Variants in FGF12 observed in about 807,000 individuals in gnomAD.
FGF12 encodes the protein fibroblast growth factor 12B.
Under a neutral mutation model 23.6 loss-of-function variants are expected in FGF12, and 14 were observed. The ratio of observed to expected loss-of-function variants is 0.59; its 90% CI spans 0.39 to 0.93. The LOEUF (loss-of-function observed/expected upper bound fraction) is 0.93. Ranked by LOEUF, FGF12 falls within the 40% of genes least tolerant of loss-of-function variation. FGF12 has a pLI of 0.00. For missense variants in FGF12, 175 were observed against 217.8 expected (o/e 0.80, Z 1.24); for synonymous variants, 62 against 77.3 (o/e 0.80, Z 1.04).
At chr3:192,704,610 T>C (rs1359424322) in intron 2 of FGF12, among the ~76,000 whole-genome samples, 2 of 152,186 alleles carry the variant, frequency 1.3e-5, no homozygotes, top group South Asian at 2.1e-4. Flanking sequence ...TGCATGAGCA[T>C]TGGCTTCCAT....
rs774045809 is a variant in FGF12, at chr3:192,360,468, A to T, written c.84T>A (p.Asp28Glu). 16 of 1,613,830 alleles carry T rather than the reference A, an allele frequency of 9.9e-6. No individual in the cohort carries two copies. The African/African-American group carries it at 2.0e-4, about 20-fold the overall frequency. Residue 28 changes from aspartate to glutamate, a missense_variant, in exon 3 of 6, where the codon GAT becomes GAA. By Grantham distance (45) the Asp-to-Glu change is conservative. Coordinates refer to ENST00000445105, the MANE Select transcript of FGF12 (RefSeq NM_004113.6). The surrounding 1 kb of genome is among the most constrained non-coding windows in gnomAD (Gnocchi z 4.3). ...CGTCCTTGGTCCCATCAATGGTACC[A>T]TCTGGGTGCATCTGCAGGAAGTATC... The part of the protein sequence containing the change: ...QQGYFLQMHP[D>E]GTIDGTKDEN...
chr3:192,199,114 A>G (rs1200629952), intron 4 of FGF12, among the ~76,000 whole-genome samples: 1 of 152,222 alleles, frequency 6.6e-6, no homozygotes, highest in Non-Finnish European at 1.5e-5. Context: ...AGTCAGTAAC[A>G]ATGCTAACTA....
chr3:192,338,363 C>T lies in FGF12; in HGVS notation c.125-2899G>A, dbSNP rs529090706. On this transcript the variant is annotated intron_variant, in intron 3 of 5. Coordinates refer to ENST00000445105, the MANE Select transcript of FGF12 (RefSeq NM_004113.6). ...CTCCCCTTTTTGTTCTTTTAATTTC[C>T]TCTAATATCCATTTTTGCCTTCTTG... 3.0e-3 allele frequency among the ~76,000 whole-genome samples: 454 copies of T among 152,172 alleles called. 1 individual carries two copies. Among genetic ancestry groups the T allele is most frequent in the Non-Finnish European group, 5.2e-3 (351 of 67,998 alleles).
At chr3:192,146,083 C>A (rs1240833907) in intron 5 of FGF12, among the ~76,000 whole-genome samples, 1 of 152,070 alleles carries the variant, frequency 6.6e-6, no homozygotes, top group African/African-American at 2.4e-5. Flanking sequence ...TAGTTCTTCC[C>A]AACTCTGTCA....
chr3:192,504,141 G>A (rs1724220615), intron 2 of FGF12, among the ~76,000 whole-genome samples: 1 of 152,022 alleles, frequency 6.6e-6, no homozygotes, highest in Admixed American at 6.6e-5. Flanking sequence ...CAAAGAAAGA[G>A]GACATATAAA....
chr3:192,294,234 A>T (rs1826525), intron 4 of FGF12, among the ~76,000 whole-genome samples: 66,344 of 151,812 alleles, frequency 0.44, 15,249 homozygotes, highest in East Asian at 0.91. Context: ...TTCTTCCCAG[A>T]CTCGGGTATG....
At chr3:192,323,400 G>C (rs1449518822) in intron 4 of FGF12, among the ~76,000 whole-genome samples, 1 of 152,194 alleles carries the variant, frequency 6.6e-6, no homozygotes, top group Non-Finnish European at 1.5e-5. Context: ...ATGAGATCCT[G>C]TCATCTGCAA....
At chr3:192,490,304 T>C (rs1270965953) in intron 2 of FGF12, among the ~76,000 whole-genome samples, 2 of 152,114 alleles carry the variant, frequency 1.3e-5, no homozygotes, top group Non-Finnish European at 2.9e-5. Context: ...ATCACTGAAG[T>C]ATTTTGCCAT....
intron 4 of FGF12, among the ~76,000 whole-genome samples, chr3:192,186,109 A>AT (rs201208273): frequency 1.5e-4 from 22 of 151,512 alleles, no homozygotes; most frequent in East Asian, 9.7e-4. Context: ...AAGAGATACT[A>AT]TTTTTTTTTC....
intron 2 of FGF12, among the ~76,000 whole-genome samples, chr3:192,682,835 T>G (rs1223814143): frequency 6.6e-6 from 1 of 152,162 alleles, no homozygotes; most frequent in Non-Finnish European, 1.5e-5. Flanking sequence ...GTAGGTTGAC[T>G]TCGTTCATGT....
chr3:192,355,670 T>C (rs1477493515), intron 3 of FGF12, among the ~76,000 whole-genome samples: 1 of 152,282 alleles, frequency 6.6e-6, no homozygotes, highest in East Asian at 1.9e-4. Context: ...CTCAAAGATA[T>C]GTGAATCTGC....
At position 192,158,666 on chromosome 3, in the gene FGF12, C is replaced by T. The variant is rs908448214; in HGVS notation, c.427+11792G>A. Among the ~76,000 whole-genome samples the T allele has an allele frequency of 2.0e-3, 124 of 63,302 alleles. 3 individuals are homozygous for T. Among genetic ancestry groups the T allele is most frequent in the East Asian group, 8.5e-3 (23 of 2,694 alleles). The allele number at this position is 63,302 out of a possible 152,430, so 41.5% of individuals were successfully genotyped here. A position where few individuals can be genotyped will look rare whatever the true frequency, so the allele number is the denominator to read the frequency against. On this transcript the variant is annotated intron_variant, in intron 5 of 5. Transcript: ENST00000445105. ...CTCCCTCCCTCCCTCCCTTCCTTCC[C>T]TCCCTCCCTCTCTCTCTCTCTTTCT...
rs186351146 is a variant in FGF12, at chr3:192,429,506, T to G, written c.14-68968A>C. ...TTTGCATAAAGTATTGATAGTCATA[T>G]CCTTAAAATACTACAAAATCTCTCT... On this transcript the variant is annotated intron_variant, in intron 2 of 5. Transcript: ENST00000445105. Among the ~76,000 whole-genome samples, 10 of 152,308 alleles carry G rather than the reference T, an allele frequency of 6.6e-5. No individual in the cohort carries two copies. The East Asian group carries it at 1.9e-3, about 29-fold the overall frequency.
intron 2 of FGF12, among the ~76,000 whole-genome samples, chr3:192,453,097 A>G (rs1156954543): frequency 1.3e-5 from 2 of 152,026 alleles, no homozygotes; most frequent in Non-Finnish European, 2.9e-5. Context: ...ATATCAGTTA[A>G]CTTTTCTTTC....
At chr3:192,429,277 A>C (rs1018055674) in intron 2 of FGF12, among the ~76,000 whole-genome samples, 10 of 152,140 alleles carry the variant, frequency 6.6e-5, no homozygotes, top group African/African-American at 2.4e-4. Context: ...GCACCACTTA[A>C]AGACTGGCTT....
chr3:192,541,810 C>CA (rs1282605344), intron 2 of FGF12, among the ~76,000 whole-genome samples: 1 of 152,032 alleles, frequency 6.6e-6, no homozygotes, highest in East Asian at 1.9e-4. Context: ...TTTTAGGATA[C>CA]AAGTTTTTCT....
At chr3:192,240,727 G>A (rs545658649) in intron 4 of FGF12, among the ~76,000 whole-genome samples, 1 of 152,088 alleles carries the variant, frequency 6.6e-6, no homozygotes, top group East Asian at 1.9e-4. Flanking sequence ...CTGATATTTT[G>A]TCAGAAGACA....
At chr3:192,188,964 A>G (rs979518393) in intron 4 of FGF12, among the ~76,000 whole-genome samples, 1 of 152,242 alleles carries the variant, frequency 6.6e-6, no homozygotes, top group Non-Finnish European at 1.5e-5. Flanking sequence ...GTAACACTTC[A>G]TCTTCATTCC....
chr3:192,425,373 C>T (rs141037554), intron 2 of FGF12, among the ~76,000 whole-genome samples: 69 of 152,164 alleles, frequency 4.5e-4, no homozygotes, highest in African/African-American at 1.6e-3. Context: ...ATGAGAACTG[C>T]CCACTTAAGG....
Sources: gnomAD v4.1 joint callset for allele counts (sites outside exome capture counted in the v4.1 genomes callset) on GRCh38, gnomAD v4.1.1 for gene constraint, Gnocchi (gnomAD v3.1) non-coding constraint, MANE v1.5 for transcripts, NCBI Gene and HGNC (gene_info 2026-07-23, HGNC 2026-07-21) for gene names.